The following CNIH3 variants were observed in gnomAD, a reference collection of about 807,000 sequenced individuals.
CNIH3 encodes protein cornichon homolog 3.
Under a neutral mutation model 24.1 loss-of-function variants are expected in CNIH3, and 14 were observed. That is an observed-to-expected ratio of 0.58 (90% CI 0.38 to 0.91). The LOEUF is 0.91. Ranked by LOEUF, CNIH3 falls within the 40% of genes least tolerant of loss-of-function variation. CNIH3 has a pLI of 0.00. For synonymous variants in CNIH3, 68 were observed against 73.8 expected (o/e 0.92, Z 0.40); for missense variants, 178 against 196.8 (o/e 0.90, Z 0.57).
chr1:224,467,856 A>G (rs950974721), intron 1 of CNIH3, among the ~76,000 whole-genome samples: 2 of 151,776 alleles, frequency 1.3e-5, no homozygotes, highest in African/African-American at 4.8e-5. Context: ...ATTCATTTTA[A>G]GTTAATTTTT....
In CNIH3 at chr1:224,730,594, G is replaced by A; in HGVS notation, c.311+20G>A. 1 of 1,456,682 alleles carries A rather than the reference G, an allele frequency of 6.9e-7. No individual in the cohort carries two copies. The highest frequency in any genetic ancestry group is 1.2e-5 in the South Asian group (1 of 82,198). 90.2% of individuals were successfully genotyped at this position (1,456,682 alleles called of 1,614,324 possible). The stretch of plus-strand genomic sequence containing the variant: ...CTGGAGGTAAGTCAGACTGGGACTG[G>A]TATATCCTTCGTCTTTTCTGCCAGG... On this transcript the variant is annotated intron_variant, in intron 4 of 5. Transcript: ENST00000272133.
chr1:224,676,779 C>G (rs1438256632), intron 1 of CNIH3, among the ~76,000 whole-genome samples: 1 of 152,200 alleles, frequency 6.6e-6, no homozygotes, highest in Non-Finnish European at 1.5e-5. Context: ...CTGCCACATG[C>G]AAAGGATGAT....
At chr1:224,454,035 CA>C (rs1290534643) in intron 1 of CNIH3, among the ~76,000 whole-genome samples, 5 of 152,186 alleles carry the variant, frequency 3.3e-5, no homozygotes, top group South Asian at 2.1e-4. Flanking sequence ...ATCATGACAG[CA>C]CAGCTACTGG....
chr1:224,647,134 C>T (rs1004627511), intron 1 of CNIH3, among the ~76,000 whole-genome samples: 5 of 152,140 alleles, frequency 3.3e-5, no homozygotes, highest in Non-Finnish European at 7.3e-5. Flanking sequence ...AGGCACCCGC[C>T]GCCACACCCA....
chr1:224,709,534 G>T (rs1688017127), intron 3 of CNIH3, among the ~76,000 whole-genome samples: 1 of 152,186 alleles, frequency 6.6e-6, no homozygotes, highest in African/African-American at 2.4e-5. Flanking sequence ...TATTGAAGAG[G>T]GGTGGGCTGG....
intron 1 of CNIH3, among the ~76,000 whole-genome samples, chr1:224,651,974 G>T (rs1684880388): frequency 6.6e-6 from 1 of 152,110 alleles, no homozygotes; most frequent in African/African-American, 2.4e-5. Context: ...TTCCTCAACA[G>T]TAACTTATCA....
At chr1:224,559,808 G>A (rs1558159667) in intron 3 of CNIH3, among the ~76,000 whole-genome samples, 1 of 152,050 alleles carries the variant, frequency 6.6e-6, no homozygotes, top group Non-Finnish European at 1.5e-5. Context: ...TCTACTGCTA[G>A]CATTCCAGTA....
intron 1 of CNIH3, among the ~76,000 whole-genome samples, chr1:224,662,542 T>C (rs1156525499): frequency 6.6e-6 from 1 of 152,208 alleles, no homozygotes; most frequent in Non-Finnish European, 1.5e-5. Flanking sequence ...GAGACAAATA[T>C]AAAACCCAGA....
intron 4 of CNIH3, among the ~76,000 whole-genome samples, chr1:224,571,597 C>T (rs1002116897): frequency 4.6e-5 from 7 of 151,966 alleles, no homozygotes; most frequent in East Asian, 1.9e-4. Flanking sequence ...TGGTGCTGGG[C>T]GCCTGTAATC....
chr1:224,439,990 G>A (rs1050279196), intron 1 of CNIH3, among the ~76,000 whole-genome samples: 53 of 152,224 alleles, frequency 3.5e-4, no homozygotes, highest in African/African-American at 3.6e-4. Context: ...GGGTTTCACC[G>A]TGTTAACCAG....
chr1:224,573,710 T>C (rs575566907), intron 4 of CNIH3, among the ~76,000 whole-genome samples: 52 of 152,316 alleles, frequency 3.4e-4, no homozygotes, highest in Admixed American at 9.2e-4. Flanking sequence ...GGGGAGCTTT[T>C]TTCCATGTTT....
intron 1 of CNIH3, among the ~76,000 whole-genome samples, chr1:224,500,190 T>A (rs1677596272): frequency 6.6e-6 from 1 of 151,756 alleles, no homozygotes; most frequent in Admixed American, 6.6e-5. Flanking sequence ...TTTTTTTTTT[T>A]TATAGAGATA....
At chr1:224,708,212 ATCC>A (rs1687928881) in intron 3 of CNIH3, among the ~76,000 whole-genome samples, 3 of 150,350 alleles carry the variant, frequency 2.0e-5, no homozygotes, top group Non-Finnish European at 4.4e-5. Context: ...CACCTCTCCA[ATCC>A]TCCTCTCCCA....
At chr1:224,584,732 AATTTG>A (rs5781375) in intron 5 of CNIH3, among the ~76,000 whole-genome samples, 34,187 of 112,296 alleles carry the variant, frequency 0.3, 4,161 homozygotes, top group East Asian at 0.46. Context: ...GTTGTGAAAT[AATTTG>A]TAATTTGTTT....
chr1:224,478,769 A>G (rs945580313), intron 1 of CNIH3, among the ~76,000 whole-genome samples: 1 of 152,182 alleles, frequency 6.6e-6, no homozygotes, highest in Admixed American at 6.5e-5. Context: ...GGCAATTTAC[A>G]AAAGAAAGAG....
In CNIH3 at chr1:224,681,004, A is replaced by G; in HGVS notation, c.128A>G (p.Asp43Gly). The G allele has an allele frequency of 6.2e-7, 1 of 1,614,090 alleles. No homozygotes were observed. The highest frequency in any genetic ancestry group is 1.3e-5 in the African/African-American group (1 of 75,032). Residue 43 changes from aspartate (D) to glycine (G), a missense_variant, in exon 2 of 6, where the codon GAC becomes GGC. Physicochemically the swap from Asp to Gly is moderately conservative, Grantham distance 94. Transcript: ENST00000272133. ...ELRTDFKSPI[D>G]QCNPVHARER... Reference sequence around the variant, plus strand: ...AGGACAGATTTTAAGAGCCCCATAGACCAGTGCAATCCTGTTCATGCGGTA... The same window carrying G: ...AGGACAGATTTTAAGAGCCCCATAGGCCAGTGCAATCCTGTTCATGCGGTA...
At chr1:224,463,496 C>T (rs934191225) in intron 1 of CNIH3, among the ~76,000 whole-genome samples, 10 of 151,670 alleles carry the variant, frequency 6.6e-5, no homozygotes, top group Non-Finnish European at 1.2e-4. Context: ...GCAACCTCTG[C>T]CTCCCAGGTT....
intron 1 of CNIH3, among the ~76,000 whole-genome samples, chr1:224,652,961 A>C (rs1684929368): frequency 6.6e-6 from 1 of 152,204 alleles, no homozygotes; most frequent in African/African-American, 2.4e-5. Flanking sequence ...ACTCACTGGA[A>C]ATTCCCAGCT....
chr1:224,468,679 T>C (rs1676243129), intron 1 of CNIH3, among the ~76,000 whole-genome samples: 1 of 152,160 alleles, frequency 6.6e-6, no homozygotes, highest in Non-Finnish European at 1.5e-5. Context: ...CTTTCAGTAC[T>C]GTGTTGAATA....
Sources: allele counts gnomAD v4.1 joint callset (sites outside exome capture counted in the v4.1 genomes callset), GRCh38; gene constraint gnomAD v4.1.1; transcripts MANE v1.5; gene names NCBI Gene and HGNC (gene_info 2026-07-23, HGNC 2026-07-21).